The following LPCAT1 variants were observed in gnomAD, a reference collection of about 807,000 sequenced individuals.
The protein encoded by LPCAT1 is lysophosphatidylcholine acyltransferase 1, also known as 1-acylglycerol-3-phosphate O-acyltransferase.
LPCAT1 carries 23 observed loss-of-function variants against 60.9 expected under a neutral mutation model. That is an observed-to-expected ratio of 0.38 (90% confidence interval 0.27 to 0.53). LPCAT1 has a LOEUF of 0.53. LPCAT1 is among the 20% of genes least tolerant of loss of function. The probability of loss-of-function intolerance (pLI) is 0.82; values close to 1 mark genes in which losing one functional copy is unlikely to be tolerated. For synonymous variants in LPCAT1, 340 were observed against 301.1 expected (o/e 1.13, Z -1.34); for missense variants, 622 against 723.6 (o/e 0.86, Z 1.61).
intron 1 of LPCAT1, among the ~76,000 whole-genome samples, chr5:1,517,972 TAAAG>T (rs1257427370): frequency 6.6e-6 from 1 of 152,240 alleles, no homozygotes; most frequent in Non-Finnish European, 1.5e-5. Flanking sequence ...CTCCTCTTAC[TAAAG>T]AAAGTGGACA....
chr5:1,498,160 A>C (rs1229957447), intron 2 of LPCAT1, among the ~76,000 whole-genome samples: 2 of 152,230 alleles, frequency 1.3e-5, no homozygotes, highest in African/African-American at 4.8e-5. Flanking sequence ...ACGTGAGCCA[A>C]CTTAAGTCCC....
chr5:1,490,933 A>G (rs1247615449), intron 3 of LPCAT1, among the ~76,000 whole-genome samples: 1 of 152,146 alleles, frequency 6.6e-6, no homozygotes. Flanking sequence ...AGGCTGCTGC[A>G]GGTCAGCCCC....
In LPCAT1 at chr5:1,467,160, G is replaced by A. The variant is rs112434516; in HGVS notation, c.1279-270C>T. On this transcript the variant is annotated intron_variant, in intron 12 of 13. Transcript: ENST00000283415. ...GACGCTGCCCACCCCACCCGTGATA[G>A]CTCAGCAAACCAACCAGCACCTGTG... 1,292 of 366,196 alleles carry A rather than the reference G, an allele frequency of 3.5e-3. 20 individuals are homozygous for A. Among genetic ancestry groups the A allele is most frequent in the African/African-American group, 0.025 (1,182 of 48,066 alleles). The allele number at this position is 366,196 out of a possible 1,614,324, so 22.7% of individuals were successfully genotyped here.
intron 1 of LPCAT1, among the ~76,000 whole-genome samples, chr5:1,504,343 G>A (rs955074703): frequency 2.0e-5 from 3 of 152,346 alleles, no homozygotes; most frequent in Non-Finnish European, 4.4e-5. Flanking sequence ...TCGGCCTTCA[G>A]CCCACCTGGT....
rs1302827058 is a variant in LPCAT1 at position 1,483,252 on chromosome 5, G to A, written c.726+176C>T. Among the ~76,000 whole-genome samples the A allele has an allele frequency of 1.3e-5, 2 of 152,226 alleles. No homozygotes were observed. Among genetic ancestry groups the A allele is most frequent in the Non-Finnish European group, 1.5e-5 (1 of 68,002 alleles). ...CAGGAACGTGCCGAGCCCAGGGCCC[G>A]GGCCTGTCCTGCCCTCTCCAGCGCT... On this transcript the variant is annotated intron_variant, in intron 6 of 13. Coordinates refer to ENST00000283415, the MANE Select transcript of LPCAT1 (RefSeq NM_024830.5). This position sits in a 1 kb window ranked among gnomAD's most constrained non-coding sequence, Gnocchi z 9.2.
At chr5:1,503,536 A>AGGAT (rs1230484690) in intron 1 of LPCAT1, among the ~76,000 whole-genome samples, 2 of 152,136 alleles carry the variant, frequency 1.3e-5, no homozygotes, top group African/African-American at 4.8e-5. Flanking sequence ...GCTCCCTGTT[A>AGGAT]GGATTGTTTT....
intron 2 of LPCAT1, among the ~76,000 whole-genome samples, chr5:1,498,610 G>C (rs1464427661): frequency 6.6e-6 from 1 of 151,850 alleles, no homozygotes; most frequent in African/African-American, 2.4e-5. Context: ...GTGGACACCT[G>C]TACACACGTA....
chr5:1,464,379 G>A (rs138390512), intron 13 of LPCAT1, among the ~76,000 whole-genome samples: 143 of 152,330 alleles, frequency 9.4e-4, no homozygotes, highest in African/African-American at 3.1e-3. Flanking sequence ...ATGGTGCAGG[G>A]GGCTGGTCAT....
chr5:1,510,340 C>G (rs1397802155), intron 1 of LPCAT1, among the ~76,000 whole-genome samples: 1 of 152,200 alleles, frequency 6.6e-6, no homozygotes, highest in Non-Finnish European at 1.5e-5. Flanking sequence ...AACCCTCAAC[C>G]AGCCGTACCG....
intron 5 of LPCAT1, among the ~76,000 whole-genome samples, chr5:1,486,938 T>A (rs565465039): frequency 6.6e-6 from 1 of 152,308 alleles, no homozygotes. Context: ...CTGCACACAG[T>A]GAGCTCCTAC....
chr5:1,486,009 G>C (rs557051523), intron 5 of LPCAT1, among the ~76,000 whole-genome samples: 206 of 152,342 alleles, frequency 1.4e-3, no homozygotes, highest in Non-Finnish European at 2.5e-3. Flanking sequence ...CTGAGAGCTT[G>C]GAGCTGGCAG....
intron 5 of LPCAT1, among the ~76,000 whole-genome samples, chr5:1,485,725 C>T (rs1481354711): frequency 6.6e-6 from 1 of 151,726 alleles, no homozygotes; most frequent in African/African-American, 2.4e-5. Context: ...CCGCTGCGGC[C>T]CAGGGACAGC....
chr5:1,519,112 C>T (rs892023027), intron 1 of LPCAT1, among the ~76,000 whole-genome samples: 2 of 152,240 alleles, frequency 1.3e-5, no homozygotes, highest in East Asian at 1.9e-4. Flanking sequence ...CTCTTTCTCA[C>T]GATGAAACAG....
rs1735165808 is a variant in LPCAT1 at position 1,481,996 on chromosome 5, G to T, written c.727-1020C>A. On this transcript the variant is annotated intron_variant, in intron 6 of 13. Coordinates refer to ENST00000283415, the MANE Select transcript of LPCAT1 (RefSeq NM_024830.5). The surrounding 1 kb of genome is among the most constrained non-coding windows in gnomAD (Gnocchi z 7.8). ...GCCCCACTATGTCCTGACCCACGGG[G>T]GTTTTCTTTCAGTGCTTTCCTTTGC... is the stretch of plus-strand genomic sequence containing the variant. Among the ~76,000 whole-genome samples, 1 of 152,216 alleles carries T rather than the reference G, an allele frequency of 6.6e-6. No individual in the cohort carries two copies. Among genetic ancestry groups the T allele is most frequent in the South Asian group, 2.1e-4 (1 of 4,834 alleles).
At chr5:1,467,957 C>T (rs1334782192) in intron 12 of LPCAT1, among the ~76,000 whole-genome samples, 1 of 152,170 alleles carries the variant, frequency 6.6e-6, no homozygotes, top group Non-Finnish European at 1.5e-5. Flanking sequence ...CCTGCTGCAG[C>T]GCGCTGTGAT....
intron 3 of LPCAT1, among the ~76,000 whole-genome samples, chr5:1,491,852 T>C (rs1335373861): frequency 6.6e-6 from 1 of 152,238 alleles, no homozygotes; most frequent in African/African-American, 2.4e-5. Flanking sequence ...TCATTGGTAT[T>C]CATACATCTA....
chr5:1,518,636 G>A (rs1336128981), intron 1 of LPCAT1, among the ~76,000 whole-genome samples: 2 of 152,188 alleles, frequency 1.3e-5, no homozygotes, highest in Admixed American at 6.5e-5. Flanking sequence ...CGTTGCGCCC[G>A]GCCCACAGTA....
chr5:1,468,762 C>CG (rs1489480100), intron 12 of LPCAT1, among the ~76,000 whole-genome samples: 4 of 152,256 alleles, frequency 2.6e-5, no homozygotes, highest in African/African-American at 9.6e-5. Context: ...TCCTGAGCAC[C>CG]GGCGTGTGCC....
At chr5:1,474,432 T>C (rs1734814427) in intron 10 of LPCAT1, 128 bp downstream of exon 10, 2 of 1,277,582 alleles carry the variant, frequency 1.6e-6, no homozygotes, top group Admixed American at 2.7e-5. Flanking sequence ...AAGTTGATAT[T>C]TGAAAAAAGC....
Sources: allele counts gnomAD v4.1 joint callset (sites outside exome capture counted in the v4.1 genomes callset), GRCh38; gene constraint gnomAD v4.1.1; non-coding constraint Gnocchi (gnomAD v3.1); transcripts MANE v1.5; gene names NCBI Gene and HGNC (gene_info 2026-07-23, HGNC 2026-07-21).